Variants in SNAP47 observed in about 807,000 individuals in gnomAD.
SNAP47 encodes synaptosome associated protein 47.
Under a neutral mutation model 31.4 loss-of-function variants are expected in SNAP47, and 20 were observed. That is an observed-to-expected ratio of 0.64 (90% confidence interval 0.45 to 0.93). The LOEUF is 0.93. Among genes scored for constraint, SNAP47 ranks in the 40% least tolerant of loss-of-function variants. The probability of loss-of-function intolerance (pLI) is 0.00; values close to 1 mark genes in which losing one functional copy is unlikely to be tolerated. For missense variants in SNAP47, 492 were observed against 528.5 expected, an observed-to-expected ratio of 0.93 and a Z score of 0.68; for synonymous variants, 194 against 213.4, an observed-to-expected ratio of 0.91 and a Z score of 0.79.
chr1:227,780,821 C>G lies in SNAP47; in HGVS notation c.*148C>G. On this transcript the variant is annotated 3_prime_UTR_variant, in exon 5 of 5. Transcript: ENST00000617596. Reference sequence around the variant, plus strand: ...TGCTACTGTGGGGCTGCTTCTGCACCAGGGGCCTCCCCAGGTGTGCACCAT... The same window carrying G: ...TGCTACTGTGGGGCTGCTTCTGCACGAGGGGCCTCCCCAGGTGTGCACCAT... 1.8e-6 allele frequency: 2 copies of G among 1,128,836 alleles called. No homozygotes were observed. The highest frequency in any genetic ancestry group is 2.5e-6 in the Non-Finnish European group (2 of 810,744). The allele number at this position is 1,128,836 out of a possible 1,614,324, so 69.9% of individuals were successfully genotyped here.
chr1:227,755,491 A>G (rs1407234240), intron 2 of SNAP47, among the ~76,000 whole-genome samples: 1 of 152,070 alleles, frequency 6.6e-6, no homozygotes, highest in African/African-American at 2.4e-5. Context: ...GGTTCAATCA[A>G]TTCTCCCACC....
At chr1:227,769,752 C>T (rs1558212746) in intron 4 of SNAP47, among the ~76,000 whole-genome samples, 2 of 152,238 alleles carry the variant, frequency 1.3e-5, no homozygotes, top group South Asian at 2.1e-4. Flanking sequence ...TTTGACAGAG[C>T]CCCTGACTTG....
At chr1:227,759,999 T>C (rs1662961591) in intron 3 of SNAP47, among the ~76,000 whole-genome samples, 2 of 152,164 alleles carry the variant, frequency 1.3e-5, no homozygotes. Flanking sequence ...CCCCCTTGAG[T>C]GTCTCTGCCA....
At chr1:227,735,612 C>T (rs1308259154) in intron 1 of SNAP47, 113 bp downstream of exon 1, 6 of 1,323,288 alleles carry the variant, frequency 4.5e-6, no homozygotes, top group African/African-American at 1.5e-5. Flanking sequence ...CTTCCCGCAT[C>T]CCCGGGGGGT....
intron 4 of SNAP47, among the ~76,000 whole-genome samples, chr1:227,771,391 C>A (rs1367239734): frequency 5.3e-5 from 8 of 152,140 alleles, no homozygotes; most frequent in Admixed American, 5.2e-4. Flanking sequence ...AAATGCTGAT[C>A]CATAAGAAGA....
At chr1:227,768,055 T>A (rs932726655) in intron 4 of SNAP47, among the ~76,000 whole-genome samples, 1 of 152,250 alleles carries the variant, frequency 6.6e-6, no homozygotes, top group Admixed American at 6.5e-5. Flanking sequence ...ATATGTATCA[T>A]TAAAGGATAA....
chr1:227,774,989 G>A lies in SNAP47; in HGVS notation c.1114-5538G>A, dbSNP rs937415516. ...CGCCTGGAGTGAGCTCAGCTGGCCC[G>A]GCTGAATCAAAGTCCCCTCTGAGCA... On this transcript the variant is annotated intron_variant, in intron 4 of 4. Coordinates refer to ENST00000617596, the MANE Select transcript of SNAP47 (RefSeq NM_053052.4). Among the ~76,000 whole-genome samples the A allele has an allele frequency of 5.3e-5, 8 of 152,312 alleles. No individual in the cohort carries two copies. The South Asian group carries it at 6.2e-4, about 12-fold the overall frequency.
intron 1 of SNAP47, among the ~76,000 whole-genome samples, chr1:227,736,814 G>A (rs1364585266): frequency 1.3e-5 from 2 of 151,194 alleles, no homozygotes; most frequent in South Asian, 2.1e-4. Context: ...GAGCCACTGC[G>A]CCAGGCCCTG....
At chr1:227,780,156 G>C (rs1664379758) in intron 4 of SNAP47, among the ~76,000 whole-genome samples, 1 of 152,138 alleles carries the variant, frequency 6.6e-6, no homozygotes, top group South Asian at 2.1e-4. Flanking sequence ...TGCGTGCCCA[G>C]GTCCCCAGCT....
At chr1:227,751,008 G>C (rs1030768706) in intron 2 of SNAP47, among the ~76,000 whole-genome samples, 1 of 152,156 alleles carries the variant, frequency 6.6e-6, no homozygotes. Flanking sequence ...AATGAGCCGG[G>C]CACCAAGCGA....
At chr1:227,733,600 G>A (rs1365004854), upstream of SNAP47, 4 of 1,606,714 alleles carry the variant, frequency 2.5e-6, no homozygotes, top group Non-Finnish European at 3.4e-6. Flanking sequence ...CCTGCCCTGG[G>A]GGGAAGAGGA....
intron 2 of SNAP47, among the ~76,000 whole-genome samples, chr1:227,753,039 A>G (rs544099437): frequency 6.6e-6 from 1 of 152,316 alleles, no homozygotes; most frequent in Admixed American, 6.5e-5. Flanking sequence ...TGTTTTCCCA[A>G]GGCATTTTTA....
upstream of SNAP47, chr1:227,733,080 C>G: frequency 6.3e-7 from 1 of 1,593,704 alleles, no homozygotes; most frequent in Non-Finnish European, 8.6e-7. Context: ...TGCCCCCTGA[C>G]CAACCCACAT....
At chr1:227,758,496 G>A (rs1012655377) in intron 2 of SNAP47, among the ~76,000 whole-genome samples, 1 of 148,552 alleles carries the variant, frequency 6.7e-6, no homozygotes, top group African/African-American at 2.4e-5. Flanking sequence ...GGTGTTGAGA[G>A]TGTGGGTGGT....
intron 4 of SNAP47, among the ~76,000 whole-genome samples, chr1:227,779,467 C>T (rs1470936440): frequency 6.6e-6 from 1 of 152,132 alleles, no homozygotes; most frequent in African/African-American, 2.4e-5. Context: ...CTGTAGGGGC[C>T]CCCCTCAAGA....
chr1:227,729,979 G>A (rs1660534934), intron 1 of SNAP47, among the ~76,000 whole-genome samples: 1 of 152,194 alleles, frequency 6.6e-6, no homozygotes, highest in South Asian at 2.1e-4. Flanking sequence ...CCCAGGCATG[G>A]TGGGGTGCAC....
At chr1:227,770,708 G>C (rs1162544590) in intron 4 of SNAP47, 1 of 153,450 alleles carries the variant, frequency 6.5e-6, no homozygotes, top group African/African-American at 2.5e-5. Context: ...GAAAAAACAT[G>C]TGTGTGTACC....
chr1:227,757,452 A>G (rs966782163), intron 2 of SNAP47, among the ~76,000 whole-genome samples: 1 of 152,212 alleles, frequency 6.6e-6, no homozygotes, highest in Admixed American at 6.5e-5. Flanking sequence ...TCACTCATCT[A>G]CCTTCATCAA....
chr1:227,758,219 C>T lies in SNAP47; in HGVS notation c.498-776C>T, dbSNP rs545774355. On this transcript the variant is annotated intron_variant, in intron 2 of 4. Transcript: ENST00000617596. ...GGGACCCTGAGAACCCCAGTGTAGA[C>T]GCATGGCTGCAGTCTGCAGAAGCTG... Among the ~76,000 whole-genome samples the T allele has an allele frequency of 9.2e-5, 14 of 152,198 alleles. No homozygotes were observed. In the South Asian group the frequency reaches 1.0e-3, roughly 11 times the overall value.
Sources: gnomAD v4.1 joint callset for allele counts (sites outside exome capture counted in the v4.1 genomes callset) on GRCh38, gnomAD v4.1.1 for gene constraint, MANE v1.5 for transcripts, NCBI Gene and HGNC (gene_info 2026-07-23, HGNC 2026-07-21) for gene names.